Variants in ADAM20 observed in about 807,000 individuals in gnomAD.
ADAM20 encodes the protein disintegrin and metalloproteinase domain-containing protein 20.
For missense variants in ADAM20, 871 were observed against 883.2 expected, an observed-to-expected ratio of 0.99 and a Z score of 0.18; for synonymous variants, 305 against 310.2, an observed-to-expected ratio of 0.98 and a Z score of 0.18.
At chr14:70,545,893 C>T in the ADAM20 span, among the ~76,000 whole-genome samples, 3 of 152,322 alleles carry the variant, frequency 2.0e-5, no homozygotes, top group East Asian at 3.9e-4. Context: ...AACATTTCAT[C>T]TAATGGCTAC....
the ADAM20 span, among the ~76,000 whole-genome samples, chr14:70,568,669 T>C: frequency 6.6e-6 from 1 of 152,038 alleles, no homozygotes; most frequent in Non-Finnish European, 1.5e-5. Flanking sequence ...GATAGCTGTA[T>C]TAAGAAAAAA....
In ADAM20 at chr14:70,524,052, T is replaced by A; in HGVS notation, c.706A>T (p.Asn236Tyr). ...AAGGAATCCACTATATTGACAACGTTAAATACTTCATGCTGCACTGTTGTT... is the reference window on the plus strand; with the variant it reads ...AAGGAATCCACTATATTGACAACGTAAAATACTTCATGCTGCACTGTTGTT... Reference protein sequence around the residue: ...NATTVQHEVFNVVNIVDSFYH... With the variant: ...NATTVQHEVFYVVNIVDSFYH... The change falls in exon 2 of 2, where the codon AAC becomes TAC. Residue 236 changes from asparagine to tyrosine, a missense_variant. Transcript: ENST00000256389. The A allele has an allele frequency of 6.2e-7, 1 of 1,613,924 alleles. No individual in the cohort carries two copies. The highest frequency in any genetic ancestry group is 8.5e-7 in the Non-Finnish European group (1 of 1,179,936).
chr14:70,554,275 G>C, the ADAM20 span, among the ~76,000 whole-genome samples: 20 of 152,328 alleles, frequency 1.3e-4, no homozygotes, highest in East Asian at 3.5e-3. Context: ...TACGCTGTTG[G>C]TGGGAATGTA....
chr14:70,522,547 A>C lies in ADAM20; in HGVS notation c.*30T>G. The C allele has an allele frequency of 6.7e-7, 1 of 1,496,808 alleles. No homozygotes were observed. Among genetic ancestry groups the C allele is most frequent in the Non-Finnish European group, 8.9e-7 (1 of 1,125,496 alleles). 92.7% of individuals were successfully genotyped at this position (1,496,808 alleles called of 1,614,324 possible). A position where few individuals can be genotyped will look rare whatever the true frequency, so the allele number is the denominator to read the frequency against. ...ATTGGATATTAAAAATGAAGTATAAAGTTTAGTCTCCTTCTTTTTCCCATT... is the reference window on the plus strand; with the variant it reads ...ATTGGATATTAAAAATGAAGTATAACGTTTAGTCTCCTTCTTTTTCCCATT... On this transcript the variant is annotated 3_prime_UTR_variant, in exon 2 of 2. Coordinates refer to ENST00000256389, the MANE Select transcript of ADAM20 (RefSeq NM_003814.5).
chr14:70,541,279 T>A, the ADAM20 span, among the ~76,000 whole-genome samples: 1 of 152,368 alleles, frequency 6.6e-6, no homozygotes, highest in East Asian at 1.9e-4. Flanking sequence ...CAATGCTTTA[T>A]AAAATGCCAC....
chr14:70,560,798 G>A, the ADAM20 span, among the ~76,000 whole-genome samples: 1 of 152,082 alleles, frequency 6.6e-6, no homozygotes, highest in Admixed American at 6.5e-5. Context: ...AGTTTCCTGA[G>A]GCCTCCCAGT....
chr14:70,539,216 A>G (rs181041186), upstream of ADAM20, among the ~76,000 whole-genome samples: 4 of 151,638 alleles, frequency 2.6e-5, no homozygotes, highest in African/African-American at 9.7e-5. Flanking sequence ...AATGCTCCTG[A>G]TTATTGTAAA....
the ADAM20 span, among the ~76,000 whole-genome samples, chr14:70,562,082 C>T: frequency 6.6e-6 from 1 of 152,244 alleles, no homozygotes; most frequent in Non-Finnish European, 1.5e-5. Context: ...CAGAGGCGCC[C>T]AATGCCAGCC....
chr14:70,532,785 A>T (rs1883741516), intron 1 of ADAM20, among the ~76,000 whole-genome samples: 2 of 152,246 alleles, frequency 1.3e-5, no homozygotes, highest in Non-Finnish European at 2.9e-5. Flanking sequence ...AAGGGTTACT[A>T]TCCAAAATAT....
the ADAM20 span, among the ~76,000 whole-genome samples, chr14:70,564,902 G>C: frequency 6.6e-6 from 1 of 150,702 alleles, no homozygotes. Flanking sequence ...TTTTTTGATA[G>C]ACAGGCATGG....
chr14:70,524,526 C>T lies in ADAM20; in HGVS notation c.232G>A (p.Val78Ile), dbSNP rs1477813909. 6.2e-7 allele frequency: 1 copy of T among 1,613,876 alleles called. No individual in the cohort carries two copies. Among genetic ancestry groups the T allele is most frequent in the African/African-American group, 1.3e-5 (1 of 74,894 alleles). ...GGQRYIVHMR[V>I]NKLLFAAHLP... ...TGTGCAGCAAACAACAGCTTATTTA[C>T]CCTCATGTGGACAATGTATCTCTGT... Residue 78 changes from valine to isoleucine, a missense_variant, in exon 2 of 2, where the codon GTA (valine) becomes ATA (isoleucine). Transcript: ENST00000256389.
At chr14:70,570,373 G>A in the ADAM20 span, among the ~76,000 whole-genome samples, 1 of 151,884 alleles carries the variant, frequency 6.6e-6, no homozygotes, top group Admixed American at 6.6e-5. Context: ...TTGATAGAGT[G>A]CTAGCAAGAT....
chr14:70,542,569 A>C, the ADAM20 span, among the ~76,000 whole-genome samples: 1 of 152,230 alleles, frequency 6.6e-6, no homozygotes, highest in Non-Finnish European at 1.5e-5. Context: ...TGATGGTACA[A>C]ATCCATGGCT....
the ADAM20 span, among the ~76,000 whole-genome samples, chr14:70,544,504 A>G: frequency 6.6e-6 from 1 of 152,232 alleles, no homozygotes; most frequent in African/African-American, 2.4e-5. Context: ...TCTGGCTTTC[A>G]TGGTATATAT....
chr14:70,574,300 C>A, the ADAM20 span, among the ~76,000 whole-genome samples: 1 of 152,094 alleles, frequency 6.6e-6, no homozygotes, highest in Non-Finnish European at 1.5e-5. Flanking sequence ...AAATTTGTAA[C>A]AGGCAGCAAA....
At chr14:70,565,344 G>A in the ADAM20 span, among the ~76,000 whole-genome samples, 2,287 of 151,432 alleles carry the variant, frequency 0.015, 25 homozygotes, top group Non-Finnish European at 0.023. Context: ...AAGAGAAAGC[G>A]GTAAAAACCC....
rs201314255 is a variant in ADAM20 at position 70,523,609 on chromosome 14, T to C, written c.1149A>G (p.Gln383=). 36 of 1,614,090 alleles carry C rather than the reference T, an allele frequency of 2.2e-5. 1 individual carries two copies. In the South Asian group the frequency reaches 2.4e-4, roughly 11 times the overall value. The change falls in exon 2 of 2, where the codon CAA becomes CAG. Residue 383 remains glutamine (Q), a synonymous_variant. Coordinates refer to ENST00000256389, the MANE Select transcript of ADAM20 (RefSeq NM_003814.5). ...CACTACTGATAGTACTGTCCCAATA[T>C]TGGGCATAACTGCAGTTGCTAAATT... ...TTKFSNCSYA[Q]YWDSTISSGL...
chr14:70,535,950 A>G (rs1290947770), upstream of ADAM20, among the ~76,000 whole-genome samples: 3 of 152,238 alleles, frequency 2.0e-5, no homozygotes, highest in Non-Finnish European at 4.4e-5. Flanking sequence ...TTCAAAGTCT[A>G]CTTGTTGGTA....
the ADAM20 span, among the ~76,000 whole-genome samples, chr14:70,566,885 G>T: frequency 6.6e-6 from 1 of 152,266 alleles, no homozygotes. Flanking sequence ...AAGAGGCTGA[G>T]GCAGGAGAAT....
Sources: gnomAD v4.1 joint callset for allele counts (sites outside exome capture counted in the v4.1 genomes callset) on GRCh38, gnomAD v4.1.1 for gene constraint, MANE v1.5 for transcripts, NCBI Gene and HGNC (gene_info 2026-07-23, HGNC 2026-07-21) for gene names.